WRN: variants seen among roughly 807,000 people sequenced by gnomAD.
WRN encodes bifunctional 3'-5' exonuclease/ATP-dependent helicase WRN.
Under a neutral mutation model 180.7 loss-of-function variants are expected in WRN, and 149 were observed. That is an observed-to-expected ratio of 0.82 (90% CI 0.72 to 0.94). The LOEUF (loss-of-function observed/expected upper bound fraction) is 0.94. WRN is among the 40% of genes least tolerant of loss of function. The pLI is 0.00. For synonymous variants in WRN, 548 were observed against 568.9 expected, an observed-to-expected ratio of 0.96 and a Z score of 0.52; for missense variants, 1,661 against 1,700.1, an observed-to-expected ratio of 0.98 and a Z score of 0.40.
chr8:31,167,113 T>G lies in WRN; in HGVS notation c.4074T>G (p.Gly1358=). 2 of 1,613,466 alleles carry G rather than the reference T, an allele frequency of 1.2e-6. No individual in the cohort carries two copies. The highest frequency in any genetic ancestry group is 1.7e-6 in the Non-Finnish European group (2 of 1,179,542). ...TGGCAATTGAGATCCTTAAACATGG[T>G]CCTGACAGCGGACTTCAACCTTCAT... ...IHMAIEILKH[G]PDSGLQPSCD... Residue 1358 remains glycine (G), a synonymous_variant, in exon 34 of 35, where the codon GGT becomes GGG. Coordinates refer to ENST00000298139, the MANE Select transcript of WRN (RefSeq NM_000553.6).
intron 13 of WRN, 72 bp downstream of exon 13, chr8:31,089,037 C>A (rs1002661986): frequency 6.5e-5 from 89 of 1,375,766 alleles, no homozygotes; most frequent in Middle Eastern, 4.9e-4. Context: ...GGCAAATAAC[C>A]TGTCTGCTTA....
At chr8:31,106,666 A>G (rs750874914) in intron 18 of WRN, among the ~76,000 whole-genome samples, 3 of 152,112 alleles carry the variant, frequency 2.0e-5, no homozygotes, top group Non-Finnish European at 2.9e-5. Context: ...ACCATATTTG[A>G]AATATCAGAT....
rs1279354218 is a variant in WRN at position 31,167,231 on chromosome 8, G to A, written c.4191+1G>A. 1.2e-6 allele frequency: 2 copies of A among 1,609,466 alleles called. No homozygotes were observed. Among genetic ancestry groups the A allele is most frequent in the Non-Finnish European group, 1.7e-6 (2 of 1,176,946 alleles). On this transcript the variant is annotated splice_donor_variant, in intron 34 of 34. Coordinates refer to ENST00000298139, the MANE Select transcript of WRN (RefSeq NM_000553.6). LOFTEE classifies it high-confidence loss of function. The stretch of plus-strand genomic sequence containing the variant: ...GGAAGAAGTAGGCATCAATACTGAG[G>A]TATTAATTATATATAGAATTTTCAT...
At chr8:31,146,489 C>G in intron 28 of WRN, among the ~76,000 whole-genome samples, 1 of 151,808 alleles carries the variant, frequency 6.6e-6, no homozygotes, top group Non-Finnish European at 1.5e-5. Context: ...TTCAATCTCT[C>G]ATTATTTGTT....
chr8:31,119,577 G>A (rs1286925958), intron 20 of WRN, among the ~76,000 whole-genome samples: 2 of 151,700 alleles, frequency 1.3e-5, no homozygotes, highest in Non-Finnish European at 2.9e-5. Flanking sequence ...GGCTAGATTA[G>A]TGTATACGAT....
intron 32 of WRN, 138 bp downstream of exon 32, chr8:31,154,893 T>A: frequency 8.5e-7 from 1 of 1,170,396 alleles, no homozygotes; most frequent in Non-Finnish European, 1.2e-6. Flanking sequence ...TCTTTAATTT[T>A]AAAAGAGAAT....
intron 1 of WRN, among the ~76,000 whole-genome samples, chr8:31,049,985 C>G (rs1812024271): frequency 6.6e-6 from 1 of 151,244 alleles, no homozygotes; most frequent in South Asian, 2.1e-4. Context: ...GAATATAATC[C>G]CATTTTACAA....
intron 21 of WRN, among the ~76,000 whole-genome samples, chr8:31,122,598 G>T (rs1336367722): frequency 6.6e-6 from 1 of 151,930 alleles, no homozygotes; most frequent in South Asian, 2.1e-4. Flanking sequence ...CGGTCCGGTA[G>T]ATCTTTCAGT....
chr8:31,069,894 A>G (rs1812842572), intron 7 of WRN, among the ~76,000 whole-genome samples: 1 of 152,098 alleles, frequency 6.6e-6, no homozygotes, highest in Non-Finnish European at 1.5e-5. Context: ...TACATGTACA[A>G]TTTTGTTACA....
chr8:31,049,570 A>G (rs953739180), intron 1 of WRN, among the ~76,000 whole-genome samples: 6 of 109,762 alleles, frequency 5.5e-5, no homozygotes, highest in African/African-American at 1.6e-4. Context: ...AGTGAGGTCC[A>G]ATGGGTCAGA....
At chr8:31,075,908 C>T (rs1813077371) in intron 7 of WRN, among the ~76,000 whole-genome samples, 1 of 152,118 alleles carries the variant, frequency 6.6e-6, no homozygotes, top group South Asian at 2.1e-4. Flanking sequence ...TCCACCTTCT[C>T]CTTCTGCCTA....
Position 31,132,400 on chromosome 8 carries a change from A to T in WRN, c.2861A>T (p.Asp954Val), listed in dbSNP as rs745491066. The change falls in exon 24 of 35, where the codon GAT becomes GTT. Residue 954 changes from aspartate to valine, a missense_variant. Physicochemically the swap from Asp to Val is radical, Grantham distance 152 (BLOSUM62 -3). Coordinates refer to ENST00000298139, the MANE Select transcript of WRN (RefSeq NM_000553.6). Reference protein sequence around the residue: ...DHCYSMDDSEDTSWDFGPQAF... With the variant: ...DHCYSMDDSEVTSWDFGPQAF... ...TGCTATTCCATGGATGACTCAGAGGATACATCCTGGGACTTTGGTCCACAA... is the reference window on the plus strand; with the variant it reads ...TGCTATTCCATGGATGACTCAGAGGTTACATCCTGGGACTTTGGTCCACAA... 2 of 1,613,988 alleles carry T rather than the reference A, an allele frequency of 1.2e-6. No individual in the cohort carries two copies. The highest frequency in any genetic ancestry group is 4.5e-5 in the East Asian group (2 of 44,874).
chr8:31,174,906 C>T lies in WRN; in HGVS notation c.*1804C>T, dbSNP rs1563397807. ...TTTCTCTCTCTCTCTCTCTTTCTTT[C>T]TTTTTCTTTCTCTTTTTCTTTCTTT... On this transcript the variant is annotated 3_prime_UTR_variant, in exon 35 of 35. Transcript: ENST00000298139. Among the ~76,000 whole-genome samples, 1 of 136,448 alleles carries T rather than the reference C, an allele frequency of 7.3e-6. No individual in the cohort carries two copies. Among genetic ancestry groups the T allele is most frequent in the East Asian group, 2.4e-4 (1 of 4,154 alleles). The allele number at this position is 136,448 out of a possible 152,430, so 89.5% of individuals were successfully genotyped here. A position where few individuals can be genotyped will look rare whatever the true frequency, so the allele number is the denominator to read the frequency against.
chr8:31,131,336 A>G (rs560040002), intron 23 of WRN, among the ~76,000 whole-genome samples: 101 of 151,884 alleles, frequency 6.6e-4, no homozygotes, highest in African/African-American at 2.4e-3. Flanking sequence ...TTGTATTTTT[A>G]GTAGAGATGG....
intron 1 of WRN, among the ~76,000 whole-genome samples, chr8:31,048,511 C>CTG: frequency 6.6e-6 from 1 of 152,004 alleles, no homozygotes; most frequent in East Asian, 1.9e-4. Flanking sequence ...GATACACAAT[C>CTG]TGTGTGTGTG....
At chr8:31,041,425 C>T (rs1005264249) in intron 1 of WRN, among the ~76,000 whole-genome samples, 3 of 152,204 alleles carry the variant, frequency 2.0e-5, no homozygotes, top group African/African-American at 7.2e-5. Context: ...TCTACTGAAT[C>T]AAATGTTAGT....
chr8:31,132,465 A>T lies in WRN; in HGVS notation c.2926A>T (p.Lys976Ter). The change falls in exon 24 of 35, where the codon AAA (lysine) becomes TAA (stop). Residue 976 changes from lysine to a stop codon, truncating the protein, a stop_gained. Coordinates refer to ENST00000298139, the MANE Select transcript of WRN (RefSeq NM_000553.6). LOFTEE classifies it high-confidence loss of function. ...LLSAVDILGE[K>*]FGIGLPILFL... ...GTCTGCTGTGGACATCTTAGGCGAA[A>T]AATTTGGAATTGGGCTTCCAATTTT... 1 of 1,614,178 alleles carries T rather than the reference A, an allele frequency of 6.2e-7. No homozygotes were observed. The highest frequency in any genetic ancestry group is 8.5e-7 in the Non-Finnish European group (1 of 1,180,030).
chr8:31,045,876 G>A (rs1443473058), intron 1 of WRN, among the ~76,000 whole-genome samples: 2 of 151,986 alleles, frequency 1.3e-5, no homozygotes, highest in African/African-American at 4.8e-5. Flanking sequence ...TTTTTTCTTG[G>A]TATTGCTTCT....
intron 7 of WRN, among the ~76,000 whole-genome samples, chr8:31,073,541 TC>T (rs752467078): frequency 0.077 from 11,702 of 152,210 alleles, 509 homozygotes; most frequent in African/African-American, 0.13. Context: ...ATATTTGGGA[TC>T]AATTTGGGAA....
Sources: allele counts gnomAD v4.1 joint callset (sites outside exome capture counted in the v4.1 genomes callset), GRCh38; gene constraint gnomAD v4.1.1; transcripts MANE v1.5; gene names NCBI Gene and HGNC (gene_info 2026-07-23, HGNC 2026-07-21).